The following KLK14 variants were observed in gnomAD, a reference collection of about 807,000 sequenced individuals.
KLK14 encodes kallikrein-14.
KLK14 carries 21 observed loss-of-function variants against 24.6 expected under a neutral mutation model. That is an observed-to-expected ratio of 0.85 (90% CI 0.61 to 1.23). The LOEUF (loss-of-function observed/expected upper bound fraction) is 1.23, where lower values mean the gene tolerates loss of function less well. Ranked by LOEUF, KLK14 falls within the 50% of genes most tolerant of loss-of-function variation. The pLI, the probability that KLK14 is intolerant of heterozygous loss-of-function variation, is 0.00. For synonymous variants in KLK14, 133 were observed against 139.7 expected (o/e 0.95, Z 0.34); for missense variants, 320 against 338.9 (o/e 0.94, Z 0.44).
In KLK14 at chr19:51,082,804, T is replaced by TGCGG; in HGVS notation, c.-109_-106dup. ...CGAGGGGGGCGGGGCCTGCAGGCTC[T>TGCGG]GCGGGCGGCAGGTGGGAGGATGTGG... On this transcript the variant is annotated 5_prime_UTR_variant, in exon 1 of 6. Transcript: ENST00000650543. 6.9e-6 allele frequency: 11 copies of TGCGG among 1,593,580 alleles called. No homozygotes were observed. Among genetic ancestry groups the TGCGG allele is most frequent in the Non-Finnish European group, 9.4e-6 (11 of 1,169,346 alleles).
chr19:51,083,288 A>AGG (rs1555793312), upstream of KLK14, among the ~76,000 whole-genome samples: 3 of 130,150 alleles, frequency 2.3e-5, no homozygotes, highest in African/African-American at 9.6e-5. Context: ...GGAGAGAGGG[A>AGG]GAGAGAGAGA....
rs780961550 is a variant in KLK14 at position 51,082,563 on chromosome 19, C to A, written c.40+12G>T. On this transcript the variant is annotated intron_variant, in intron 2 of 5. Coordinates refer to ENST00000650543, the MANE Select transcript of KLK14 (RefSeq NM_001369775.2). ...GGGGACCCCCTTGTGTCATACCCAA[C>A]CGTTCTCTTACCTATAGCCAGGACT... 5 of 1,613,614 alleles carry A rather than the reference C, an allele frequency of 3.1e-6. No homozygotes were observed. The highest frequency in any genetic ancestry group is 4.2e-6 in the Non-Finnish European group (5 of 1,179,926).
chr19:51,082,535 C>T, intron 2 of KLK14, 40 bp downstream of exon 2: 1 of 1,603,864 alleles, frequency 6.2e-7, no homozygotes, highest in Non-Finnish European at 8.5e-7. Flanking sequence ...CTCAGAGTCT[C>T]CAGGGGACCC....
At position 51,079,593 on chromosome 19, in the gene KLK14, G is replaced by A. The variant is rs2091826534; in HGVS notation, c.322C>T (p.His108Tyr). Residue 108 changes from histidine (H) to tyrosine (Y), a missense_variant, in exon 4 of 6, where the codon CAC (histidine) becomes TAC (tyrosine). Coordinates refer to ENST00000650543, the MANE Select transcript of KLK14 (RefSeq NM_001369775.2). ...VTHPNYNSRT[H>Y]DNDLMLLQLQ... ...TGCAGCAGCATGAGGTCGTTGTCGT[G>A]GGTCCGGGAGTTGTAGTTGGGGTGC... 1 of 1,613,734 alleles carries A rather than the reference G, an allele frequency of 6.2e-7. No homozygotes were observed.
intron 3 of KLK14, among the ~76,000 whole-genome samples, chr19:51,080,209 C>T (rs572798202): frequency 4.6e-5 from 7 of 151,850 alleles, no homozygotes; most frequent in African/African-American, 1.5e-4. Context: ...GAGTCTCGCT[C>T]TGTCACCTAG....
In KLK14 at chr19:51,078,915, T is replaced by C; in HGVS notation, c.503A>G (p.Asn168Ser). Residue 168 changes from asparagine (N) to serine (S), a missense_variant, in exon 5 of 6, where the codon AAC (asparagine) becomes AGC (serine). Asn to Ser is a conservative substitution (Grantham distance 46). Transcript: ENST00000650543. The surrounding 1 kb of genome is among the most constrained non-coding windows in gnomAD (Gnocchi z 5.0). The stretch of plus-strand genomic sequence containing the variant: ...CTGGCACACCTCATCCGGGGAGATG[T>C]TGATGTTCACGCATTGCAGAGAGGC... ...YPASLQCVNI[N>S]ISPDEVCQKA... The C allele has an allele frequency of 6.2e-7, 1 of 1,613,998 alleles. No individual in the cohort carries two copies. The highest frequency in any genetic ancestry group is 8.5e-7 in the Non-Finnish European group (1 of 1,179,932).
At chr19:51,079,812 C>T in intron 3 of KLK14, 110 bp from the exon 4 acceptor site, 1 of 1,434,888 alleles carries the variant, frequency 7.0e-7, no homozygotes, top group Non-Finnish European at 9.2e-7. Flanking sequence ...GAGGTCTAGC[C>T]TGCTTCTCAC....
chr19:51,078,102 C>T lies in KLK14; in HGVS notation c.661G>A (p.Gly221Arg). 1 of 1,613,962 alleles carries T rather than the reference C, an allele frequency of 6.2e-7. No homozygotes were observed. The highest frequency in any genetic ancestry group is 2.2e-5 in the East Asian group (1 of 44,872). ...RGQLQGLVSW[G>R]MERCALPGYP... ...CCAGGCAGGGCGCAGCGCTCCATTCCCCAAGACACGAGGCCCTGGAGCTGT... is the reference window on the plus strand; with the variant it reads ...CCAGGCAGGGCGCAGCGCTCCATTCTCCAAGACACGAGGCCCTGGAGCTGT... Residue 221 changes from glycine to arginine, a missense_variant, in exon 6 of 6, where the codon GGA (glycine) becomes AGA (arginine). Physicochemically the swap from Gly to Arg is moderately radical, Grantham distance 125. Transcript: ENST00000650543. This position sits in a 1 kb window ranked among gnomAD's most constrained non-coding sequence, Gnocchi z 5.0.
At chr19:51,077,783 G>C, downstream of KLK14, 1 of 386,902 alleles carries the variant, frequency 2.6e-6, no homozygotes, top group East Asian at 4.1e-5. Context: ...GGAGGGGCTG[G>C]GGGCCTGGAC....
intron 3 of KLK14, among the ~76,000 whole-genome samples, chr19:51,081,173 T>G (rs2091836782): frequency 6.6e-6 from 1 of 152,198 alleles, no homozygotes; most frequent in Non-Finnish European, 1.5e-5. Context: ...TTCTACGTAG[T>G]GTCCTGAGTT....
chr19:51,081,043 C>A (rs2091836237), intron 3 of KLK14, among the ~76,000 whole-genome samples: 2 of 152,242 alleles, frequency 1.3e-5, no homozygotes, highest in African/African-American at 4.8e-5. Flanking sequence ...TGAACTAAAC[C>A]TTGGGTGTGA....
At chr19:51,082,019 C>T (rs111811821) in intron 2 of KLK14, among the ~76,000 whole-genome samples, 33 of 152,144 alleles carry the variant, frequency 2.2e-4, no homozygotes, top group African/African-American at 7.7e-4. Context: ...GATCACTTCT[C>T]GAAATATGCC....
At position 51,081,569 on chromosome 19, in the gene KLK14, C is replaced by T. The variant is rs748031503; in HGVS notation, c.175G>A (p.Gly59Ser). The change falls in exon 3 of 6, where the codon GGC (glycine) becomes AGC (serine). Residue 59 changes from glycine to serine, a missense_variant. Transcript: ENST00000650543. The stretch of plus-strand genomic sequence containing the variant: ...TGAGCAGCAGTGATGACCCACTGGC[C>T]TGAAAGCAGGGCGCCTCCGCAGAGG... ...RFLCGGALLSGQWVITAAHCG... is the reference protein window; with the variant it reads ...RFLCGGALLSSQWVITAAHCG... The T allele has an allele frequency of 6.5e-7, 1 of 1,545,026 alleles. No homozygotes were observed. Among genetic ancestry groups the T allele is most frequent in the Non-Finnish European group, 8.7e-7 (1 of 1,143,062 alleles).
chr19:51,083,106 T>G (rs1443827765), upstream of KLK14, among the ~76,000 whole-genome samples: 1 of 150,396 alleles, frequency 6.6e-6, no homozygotes, highest in Non-Finnish European at 1.5e-5. Context: ...CTAGAAGGAA[T>G]CCTGGGAGGG....
upstream of KLK14, among the ~76,000 whole-genome samples, chr19:51,083,157 T>C (rs1044024245): frequency 6.6e-6 from 1 of 150,688 alleles, no homozygotes; most frequent in Non-Finnish European, 1.5e-5. Flanking sequence ...TCCCAGTTGC[T>C]GGAGGTGGTG....
intron 4 of KLK14, among the ~76,000 whole-genome samples, 159 bp from the exon 5 acceptor site, chr19:51,079,110 A>T (rs1423890733): frequency 8.0e-6 from 1 of 124,440 alleles, no homozygotes; most frequent in Non-Finnish European, 1.6e-5. Context: ...CCTCAGACCC[A>T]GGAGTCCAGA....
In KLK14 at chr19:51,082,806, C is replaced by G; in HGVS notation, c.-107G>C. The G allele has an allele frequency of 6.3e-7, 1 of 1,589,634 alleles. No homozygotes were observed. Among genetic ancestry groups the G allele is most frequent in the Admixed American group, 1.8e-5 (1 of 55,974 alleles). On this transcript the variant is annotated 5_prime_UTR_variant, in exon 1 of 6. Coordinates refer to ENST00000650543, the MANE Select transcript of KLK14 (RefSeq NM_001369775.2). ...AGGGGGGCGGGGCCTGCAGGCTCTGCGGGCGGCAGGTGGGAGGATGTGGAG... is the reference window on the plus strand; with the variant it reads ...AGGGGGGCGGGGCCTGCAGGCTCTGGGGGCGGCAGGTGGGAGGATGTGGAG...
rs751705153 is a variant in KLK14 at position 51,082,654 on chromosome 19, A to C, written c.-22-18T>G. On this transcript the variant is annotated intron_variant, in intron 1 of 5. Coordinates refer to ENST00000650543, the MANE Select transcript of KLK14 (RefSeq NM_001369775.2). ...GCCAGGTCCTGTCAAATGCAGAGAA[A>C]AAGTGAGAGAGAAGGAACCTTCAAC... 20 of 1,614,070 alleles carry C rather than the reference A, an allele frequency of 1.2e-5. No homozygotes were observed. The highest frequency in any genetic ancestry group is 9.3e-6 in the Non-Finnish European group (11 of 1,180,022).
At chr19:51,083,580 G>A (rs2091854133), upstream of KLK14, among the ~76,000 whole-genome samples, 1 of 152,006 alleles carries the variant, frequency 6.6e-6, no homozygotes. Flanking sequence ...ACAGAGGCAG[G>A]TGTGCTCATG....
Sources: gnomAD v4.1 joint callset for allele counts (sites outside exome capture counted in the v4.1 genomes callset) on GRCh38, gnomAD v4.1.1 for gene constraint, Gnocchi (gnomAD v3.1) non-coding constraint, MANE v1.5 for transcripts, NCBI Gene and HGNC (gene_info 2026-07-23, HGNC 2026-07-21) for gene names.